Variants in KIF12 observed in about 807,000 individuals in gnomAD.
KIF12 encodes the protein kinesin family member 12, also known as kinesin-like protein KIF12.
A neutral mutation model predicts 87.9 loss-of-function variants in KIF12; 80 were observed. The ratio of observed to expected loss-of-function variants is 0.91; its 90% CI spans 0.76 to 1.10. The LOEUF (loss-of-function observed/expected upper bound fraction) is 1.10, where lower values mean the gene tolerates loss of function less well. KIF12 is among the 50% of genes least tolerant of loss of function. The probability of loss-of-function intolerance (pLI) is 0.00; values close to 1 mark genes in which losing one functional copy is unlikely to be tolerated. For missense variants in KIF12, 819 were observed against 865.3 expected (o/e 0.95, Z 0.67); for synonymous variants, 353 against 348.5 (o/e 1.01, Z -0.14).
chr9:114,095,426 G>A, intron 9 of KIF12, 94 bp from the exon 10 acceptor site: 2 of 1,343,878 alleles, frequency 1.5e-6, no homozygotes, highest in South Asian at 1.4e-5. Flanking sequence ...ACCCAGGCCT[G>A]TGTTGCCCTA....
At chr9:114,092,986 T>C (rs1418898878) in intron 16 of KIF12, 5 of 1,334,836 alleles carry the variant, frequency 3.7e-6, no homozygotes, top group Non-Finnish European at 3.0e-6. Flanking sequence ...TGAGTAGATA[T>C]GTGAGTGAAT....
chr9:114,092,636 C>A lies in KIF12; in HGVS notation c.1603G>T (p.Asp535Tyr). The change falls in exon 17 of 19, where the codon GAC becomes TAC. Residue 535 changes from aspartate (D) to tyrosine (Y), a missense_variant. Coordinates refer to ENST00000640217, the MANE Select transcript of KIF12 (RefSeq NM_001388308.1). ...PGEHHLPQVL[D>Y]PEASGGRPPS... ...GGCCTGCCACCTGAGGCCTCAGGGTCCAACACCTGTAGGAAAGACCAGAGT... is the reference window on the plus strand; with the variant it reads ...GGCCTGCCACCTGAGGCCTCAGGGTACAACACCTGTAGGAAAGACCAGAGT... 6.3e-7 allele frequency: 1 copy of A among 1,588,278 alleles called. No homozygotes were observed. The highest frequency in any genetic ancestry group is 8.5e-7 in the Non-Finnish European group (1 of 1,171,100).
Position 114,098,419 on chromosome 9 carries a change from G to A in KIF12, c.182C>T (p.Pro61Leu), listed in dbSNP as rs764710665. ...SGTRTLQVSPPGGGPEVAFRF... is the reference protein window; with the variant it reads ...SGTRTLQVSPLGGGPEVAFRF... ...GAACGCCACTTCTGGACCCCCGCCT[G>A]GAGGACTCACCTGGCGCGGGTGGGG... The change falls in exon 4 of 19, where the codon CCA becomes CTA. Residue 61 changes from proline to leucine, a missense_variant. Pro to Leu is a moderately conservative substitution (Grantham distance 98). Transcript: ENST00000640217. 6 of 1,509,508 alleles carry A rather than the reference G, an allele frequency of 4.0e-6. No individual in the cohort carries two copies. Among genetic ancestry groups the A allele is most frequent in the South Asian group, 1.2e-5 (1 of 81,600 alleles). 93.5% of individuals were successfully genotyped at this position (1,509,508 alleles called of 1,614,324 possible).
At chr9:114,098,278 G>T (rs747445765) in intron 4 of KIF12, 24 bp downstream of exon 4, 16 of 1,491,954 alleles carry the variant, frequency 1.1e-5, no homozygotes, top group Non-Finnish European at 1.3e-5. Context: ...GCCCGGCGCG[G>T]AGCGGAGGCG....
chr9:114,093,436 A>AGGGACACGGTG lies in KIF12; in HGVS notation c.1451_1461dup (p.Cys488HisfsTer6). On this transcript the variant is annotated frameshift_variant, in exon 15 of 19. Coordinates refer to ENST00000640217, the MANE Select transcript of KIF12 (RefSeq NM_001388308.1). LOFTEE classifies it high-confidence loss of function. ...CAAGGGGGAGCTGGGGCCATCAAGC[A>AGGGACACGGTG]GGGACACGGTGGGGTCAGGCCAGGA... The AGGGACACGGTG allele has an allele frequency of 6.4e-7, 1 of 1,570,402 alleles. No homozygotes were observed. The highest frequency in any genetic ancestry group is 8.6e-7 in the Non-Finnish European group (1 of 1,157,316).
chr9:114,097,718 G>T lies in KIF12; in HGVS notation c.399C>A (p.Pro133=), dbSNP rs747357092. ...PPQGEGVPVP[P]SLAGIMQRTF... ...TCCTCTGCATGATGCCAGCCAGGCT[G>T]GGGGGTACAGGCACCCCCTCCCCCT... The change falls in exon 6 of 19, where the codon CCC becomes CCA. Residue 133 remains proline (P), a synonymous_variant. Transcript: ENST00000640217. 4 of 1,613,848 alleles carry T rather than the reference G, an allele frequency of 2.5e-6. No homozygotes were observed. The highest frequency in any genetic ancestry group is 3.4e-6 in the Non-Finnish European group (4 of 1,179,920).
In KIF12 at chr9:114,098,950, C is replaced by A; in HGVS notation, c.156G>T (p.Gly52=). 1 of 1,549,460 alleles carries A rather than the reference C, an allele frequency of 6.5e-7. No homozygotes were observed. ...GGTTCCTCACCTGCAGAGTCCGGGT[C>A]CCTGAGCAGTGCAGCACGCTCTGCT... The part of the protein sequence containing the change: ...RGQQSVLHCS[G]TRTLQVSPPG... The change falls in exon 3 of 19, where the codon GGG becomes GGT. Residue 52 remains glycine, a synonymous_variant. Coordinates refer to ENST00000640217, the MANE Select transcript of KIF12 (RefSeq NM_001388308.1).
intron 16 of KIF12, chr9:114,092,994 A>T (rs1847058080): frequency 7.5e-7 from 1 of 1,332,508 alleles, no homozygotes; most frequent in Non-Finnish European, 9.9e-7. Context: ...TATGTGAGTG[A>T]ATGAATAAGT....
intron 16 of KIF12, 84 bp downstream of exon 16, chr9:114,093,145 C>T (rs970514944): frequency 2.3e-6 from 3 of 1,300,140 alleles, no homozygotes; most frequent in Non-Finnish European, 2.2e-6. Flanking sequence ...GCCCTGGAAT[C>T]CCTGGGGCTC....
Position 114,098,429 on chromosome 9 carries a change from C to A in KIF12, c.172G>T (p.Val58Leu). ...LHCSGTRTLQVSPPGGGPEVA... is the reference protein window; with the variant it reads ...LHCSGTRTLQLSPPGGGPEVA... ...TCTGGACCCCCGCCTGGAGGACTCACCTGGCGCGGGTGGGGCGGAGGAGCG... is the reference window on the plus strand; with the variant it reads ...TCTGGACCCCCGCCTGGAGGACTCAACTGGCGCGGGTGGGGCGGAGGAGCG... Residue 58 changes from valine to leucine, a missense_variant and splice_region_variant, in exon 4 of 19, where the codon GTG becomes TTG. Val to Leu is a conservative substitution (Grantham distance 32). Coordinates refer to ENST00000640217, the MANE Select transcript of KIF12 (RefSeq NM_001388308.1). 1 of 1,397,476 alleles carries A rather than the reference C, an allele frequency of 7.2e-7. No homozygotes were observed. Among genetic ancestry groups the A allele is most frequent in the Non-Finnish European group, 9.4e-7 (1 of 1,065,482 alleles). 86.6% of individuals were successfully genotyped at this position (1,397,476 alleles called of 1,614,324 possible).
chr9:114,096,335 G>A lies in KIF12; in HGVS notation c.738+52C>T, dbSNP rs1479763944. ...AAGTTGGTTTATATGTCCAGATACA[G>A]ACCCTTGCTTGGTGGCCCCGGGTAA... On this transcript the variant is annotated intron_variant, in intron 8 of 18. Coordinates refer to ENST00000640217, the MANE Select transcript of KIF12 (RefSeq NM_001388308.1). 3.1e-6 allele frequency: 5 copies of A among 1,595,432 alleles called. No individual in the cohort carries two copies. The Admixed American group carries it at 8.7e-5, about 28-fold the overall frequency.
At chr9:114,092,309 C>T (rs752589407) in intron 18 of KIF12, 24 bp downstream of exon 18, 3 of 1,529,244 alleles carry the variant, frequency 2.0e-6, no homozygotes, top group Admixed American at 4.4e-5. Context: ...ACATTAGGGG[C>T]CCCTCCCTCT....
chr9:114,098,152 G>T lies in KIF12; in HGVS notation c.338C>A (p.Ser113Tyr). ...CTVFTFGQTGSGKTYTLTGPP... is the reference protein window; with the variant it reads ...CTVFTFGQTGYGKTYTLTGPP... ...TCCAGTCAGGGTGTAGGTCTTCCCA[G>T]AGCCCGTCTGGCCAAAGGTGAAAAC... Residue 113 changes from serine (S) to tyrosine (Y), a missense_variant, in exon 5 of 19, where the codon TCT (serine) becomes TAT (tyrosine). Ser to Tyr is a moderately radical substitution (Grantham distance 144). Coordinates refer to ENST00000640217, the MANE Select transcript of KIF12 (RefSeq NM_001388308.1). The T allele has an allele frequency of 6.5e-7, 1 of 1,548,550 alleles. No individual in the cohort carries two copies. The highest frequency in any genetic ancestry group is 8.7e-7 in the Non-Finnish European group (1 of 1,146,430).
chr9:114,093,264 A>C lies in KIF12; in HGVS notation c.1561T>G (p.Trp521Gly), dbSNP rs147602151. Reference sequence around the variant, plus strand: ...TGGTGCTCCCCTGGCAGGCAGGCCCAGTGGGCCAGGGGCACTCGACACAGT... The same window carrying C: ...TGGTGCTCCCCTGGCAGGCAGGCCCCGTGGGCCAGGGGCACTCGACACAGT... ...CPLCRVPLAH[W>G]ACLPGEHHLP... The change falls in exon 16 of 19, where the codon TGG (tryptophan) becomes GGG (glycine). Residue 521 changes from tryptophan (W) to glycine (G), a missense_variant. Coordinates refer to ENST00000640217, the MANE Select transcript of KIF12 (RefSeq NM_001388308.1). 2.2e-4 allele frequency: 337 copies of C among 1,557,520 alleles called. No homozygotes were observed. Among genetic ancestry groups the C allele is most frequent in the Non-Finnish European group, 2.6e-4 (304 of 1,149,792 alleles).
At chr9:114,096,623 G>T (rs1223164072) in intron 7 of KIF12, 145 bp from the exon 8 acceptor site, 1 of 697,578 alleles carries the variant, frequency 1.4e-6, no homozygotes, top group Admixed American at 2.2e-5. Context: ...TTCAGGGAAC[G>T]ATGGGATGTT....
In KIF12 at chr9:114,093,337, C is replaced by A. The variant is rs1022352738; in HGVS notation, c.1492-4G>T. On this transcript the variant is annotated splice_polypyrimidine_tract_variant and splice_region_variant and intron_variant, in intron 15 of 18. Transcript: ENST00000640217. ...AGGAGTAGAGGGGTGGCAGTGCCTG[C>A]AAAAAGGTGCGTCAGAGGCTCCATG... The A allele has an allele frequency of 1.9e-6, 3 of 1,556,042 alleles. No homozygotes were observed. The highest frequency in any genetic ancestry group is 2.7e-5 in the African/African-American group (2 of 73,436).
chr9:114,096,609 G>A, intron 7 of KIF12, 131 bp from the exon 8 acceptor site: 1 of 743,562 alleles, frequency 1.3e-6, no homozygotes, highest in Non-Finnish European at 2.3e-6. Context: ...CAGAGTGGGT[G>A]TTGTTCAGGG....
intron 16 of KIF12, 139 bp downstream of exon 16, chr9:114,093,090 A>T (rs879422707): frequency 1.7e-4 from 187 of 1,099,042 alleles, no homozygotes; most frequent in Middle Eastern, 8.6e-4. Flanking sequence ...ACCAGGGCAG[A>T]GGGAGCCCTA....
intron 6 of KIF12, 45 bp from the exon 7 acceptor site, chr9:114,097,481 T>A (rs769516364): frequency 1.3e-6 from 2 of 1,573,432 alleles, no homozygotes; most frequent in South Asian, 2.4e-5. Context: ...TCTTTCTGAG[T>A]CCACCCATCC....
Sources: allele counts gnomAD v4.1 joint callset, GRCh38; gene constraint gnomAD v4.1.1; transcripts MANE v1.5; gene names NCBI Gene and HGNC (gene_info 2026-07-23, HGNC 2026-07-21).